Variants in GALNT17 observed in about 807,000 individuals in gnomAD.
GALNT17 encodes the protein polypeptide N-acetylgalactosaminyltransferase 17.
GALNT17 carries 29 observed loss-of-function variants against 63.7 expected under a neutral mutation model. That is an observed-to-expected ratio of 0.46 (90% CI 0.34 to 0.62). The LOEUF (loss-of-function observed/expected upper bound fraction) is 0.62. Ranked by LOEUF, GALNT17 falls within the 20% of genes least tolerant of loss-of-function variation. GALNT17 has a pLI of 0.01. For synonymous variants in GALNT17, 305 were observed against 318.3 expected, an observed-to-expected ratio of 0.96 and a Z score of 0.45; for missense variants, 603 against 799.6, an observed-to-expected ratio of 0.75 and a Z score of 2.97.
intron 5 of GALNT17, among the ~76,000 whole-genome samples, 178 bp from the exon 6 acceptor site, chr7:71,571,107 G>C (rs894794754): frequency 1.6e-5 from 2 of 124,374 alleles, no homozygotes; most frequent in African/African-American, 8.0e-5. Context: ...GTACATGCTA[G>C]GCTGGAACCC....
At chr7:71,133,211 G>T (rs1787719815) in intron 1 of GALNT17, among the ~76,000 whole-genome samples, 171 bp downstream of exon 1, 1 of 152,182 alleles carries the variant, frequency 6.6e-6, no homozygotes, top group South Asian at 2.1e-4. Context: ...CGGGGCTGCT[G>T]GAAAGAACAA....
intron 9 of GALNT17, among the ~76,000 whole-genome samples, chr7:71,696,172 G>T (rs1363469875): frequency 1.3e-5 from 2 of 152,158 alleles, no homozygotes; most frequent in Non-Finnish European, 2.9e-5. Context: ...GAATGCAGTG[G>T]TGCAGTCATA....
At chr7:71,201,353 A>C (rs1789168178) in intron 1 of GALNT17, among the ~76,000 whole-genome samples, 1 of 151,396 alleles carries the variant, frequency 6.6e-6, no homozygotes, top group Admixed American at 6.6e-5. Flanking sequence ...CTGGCCTCAT[A>C]ATACTGATGC....
At chr7:71,156,350 C>T (rs571827555) in intron 1 of GALNT17, among the ~76,000 whole-genome samples, 1 of 151,902 alleles carries the variant, frequency 6.6e-6, no homozygotes, top group South Asian at 2.1e-4. Flanking sequence ...TACTAATTTC[C>T]AGATTCCTCA....
chr7:71,367,279 G>T (rs1039432369), intron 2 of GALNT17, among the ~76,000 whole-genome samples: 14 of 152,098 alleles, frequency 9.2e-5, no homozygotes, highest in African/African-American at 3.4e-4. Flanking sequence ...TTCTAGCTGG[G>T]TGTTAGCCTG....
At position 71,573,000 on chromosome 7, in the gene GALNT17, ATTTATTTTAT is replaced by A. The variant is rs368403918; in HGVS notation, c.1080+1616_1080+1625del. ...CTCCCTATTTTTTGTTTTTTTATTT[ATTTATTTTAT>A]TTTATTTTATTTTATTTGAGATGAA... On this transcript the variant is annotated intron_variant, in intron 6 of 10. Transcript: ENST00000333538. Among the ~76,000 whole-genome samples, 15 of 151,410 alleles carry A rather than the reference ATTTATTTTAT, an allele frequency of 9.9e-5. No individual in the cohort carries two copies. In the East Asian group the frequency reaches 1.4e-3, roughly 14 times the overall value.
intron 6 of GALNT17, among the ~76,000 whole-genome samples, chr7:71,583,346 G>C (rs567813456): frequency 1.3e-5 from 2 of 152,240 alleles, no homozygotes. Flanking sequence ...CGCCCACCTC[G>C]GCCTCCCGAA....
At chr7:71,298,169 C>T (rs531195805) in intron 1 of GALNT17, among the ~76,000 whole-genome samples, 4 of 151,800 alleles carry the variant, frequency 2.6e-5, no homozygotes, top group African/African-American at 7.3e-5. Context: ...TACAGGCGTG[C>T]GCCACCATGC....
intron 1 of GALNT17, among the ~76,000 whole-genome samples, chr7:71,169,178 A>G (rs2116278302): frequency 6.6e-6 from 1 of 152,280 alleles, no homozygotes; most frequent in South Asian, 2.1e-4. Flanking sequence ...AGTCCTACAG[A>G]TTCTATTAGG....
chr7:71,212,695 G>A lies in GALNT17; in HGVS notation c.238+79655G>A, dbSNP rs990392786. Among the ~76,000 whole-genome samples the A allele has an allele frequency of 3.3e-5, 5 of 152,328 alleles. 1 individual carries two copies. The East Asian group carries it at 9.7e-4, about 29-fold the overall frequency. Reference sequence around the variant, plus strand: ...TGGGAACCCACCTCTTGGCATCAGTGTGACCTGGATGTGAGACCTGGAGTC... The same window carrying A: ...TGGGAACCCACCTCTTGGCATCAGTATGACCTGGATGTGAGACCTGGAGTC... On this transcript the variant is annotated intron_variant, in intron 1 of 10. Transcript: ENST00000333538.
At chr7:71,175,371 A>G (rs1195769864) in intron 1 of GALNT17, among the ~76,000 whole-genome samples, 4 of 152,064 alleles carry the variant, frequency 2.6e-5, no homozygotes, top group Non-Finnish European at 4.4e-5. Flanking sequence ...ACCTATATCT[A>G]TTTATTTCTA....
At chr7:71,693,313 T>TATATATATATATATATATATATATAC (rs1791490130) in intron 9 of GALNT17, among the ~76,000 whole-genome samples, 1 of 144,940 alleles carries the variant, frequency 6.9e-6, no homozygotes, top group Admixed American at 7.0e-5. Context: ...CACACACATA[T>TATATATATATATATATATATATATAC]ATATATATGG....
chr7:71,287,091 T>A (rs931825748), intron 1 of GALNT17, among the ~76,000 whole-genome samples: 23 of 152,034 alleles, frequency 1.5e-4, no homozygotes, highest in Non-Finnish European at 2.1e-4. Flanking sequence ...TTTAAGTTCC[T>A]TTTTGTTTTG....
At chr7:71,329,921 G>A (rs756806652) in intron 1 of GALNT17, among the ~76,000 whole-genome samples, 80,190 of 148,692 alleles carry the variant, frequency 0.54, 21,855 homozygotes, top group Non-Finnish European at 0.57. Flanking sequence ...ATATGTATGT[G>A]TGTGTGTGTG....
rs1787713150 is a variant in GALNT17 at position 71,132,976 on chromosome 7, C to T, written c.174C>T (p.Pro58=). 2.5e-6 allele frequency: 4 copies of T among 1,609,176 alleles called. No individual in the cohort carries two copies. The highest frequency in any genetic ancestry group is 3.4e-6 in the Non-Finnish European group (4 of 1,179,030). The change falls in exon 1 of 11, where the codon CCC becomes CCT. Residue 58 remains proline, a synonymous_variant. Transcript: ENST00000333538. ...ACCTCAGCGCGCACAGCGCCAGCCC[C>T]ATCCAGGATGCGGTCCTGAAGCGCC... ...VANLSAHSAS[P]IQDAVLKRLS... is the part of the protein sequence containing the mutation.
rs567022000 is a variant in GALNT17 at position 71,217,357 on chromosome 7, T to G, written c.238+84317T>G. ...GTATATTGTTGCACTTGCATTTGAT[T>G]AACCCACTTTTGTATTTTAGTCCTA... On this transcript the variant is annotated intron_variant, in intron 1 of 10. Coordinates refer to ENST00000333538, the MANE Select transcript of GALNT17 (RefSeq NM_022479.3). Among the ~76,000 whole-genome samples, 34 of 152,184 alleles carry G rather than the reference T, an allele frequency of 2.2e-4. No homozygotes were observed. In the East Asian group the frequency reaches 5.6e-3, roughly 25 times the overall value.
At chr7:71,397,856 G>A (rs1040774555) in intron 3 of GALNT17, among the ~76,000 whole-genome samples, 5 of 152,178 alleles carry the variant, frequency 3.3e-5, no homozygotes, top group Non-Finnish European at 5.9e-5. Context: ...GATGGCTTTA[G>A]CCTCATCTTC....
At chr7:71,178,236 G>T (rs867377867) in intron 1 of GALNT17, among the ~76,000 whole-genome samples, 1 of 152,136 alleles carries the variant, frequency 6.6e-6, no homozygotes. Flanking sequence ...ATATCATTCT[G>T]TAGTCTTTTG....
intron 5 of GALNT17, among the ~76,000 whole-genome samples, chr7:71,557,941 G>A (rs1434116981): frequency 1.3e-5 from 2 of 152,000 alleles, no homozygotes; most frequent in Non-Finnish European, 2.9e-5. Context: ...GAGCATCGTG[G>A]TGGGTGCCTG....
Sources: allele counts gnomAD v4.1 joint callset (sites outside exome capture counted in the v4.1 genomes callset), GRCh38; gene constraint gnomAD v4.1.1; transcripts MANE v1.5; gene names NCBI Gene and HGNC (gene_info 2026-07-23, HGNC 2026-07-21).